AARS1: variants seen among roughly 807,000 people sequenced by gnomAD.
AARS1 encodes alanyl-tRNA synthetase 1, also known as alanine--tRNA ligase, cytoplasmic.
A neutral mutation model predicts 108.9 loss-of-function variants in AARS1; 72 were observed. That is an observed-to-expected ratio of 0.66 (90% CI 0.55 to 0.80). The LOEUF (loss-of-function observed/expected upper bound fraction) is 0.80, where lower values mean the gene tolerates loss of function less well. Among genes scored for constraint, AARS1 ranks in the 30% least tolerant of loss-of-function variants. The pLI is 0.00. For synonymous variants in AARS1, 489 were observed against 465.7 expected (o/e 1.05, Z -0.64); for missense variants, 1,193 against 1,233.2 (o/e 0.97, Z 0.49).
At chr16:70,272,921 C>CACACACACACACACAT (rs1200665887) in intron 4 of AARS1, among the ~76,000 whole-genome samples, 2 of 150,770 alleles carry the variant, frequency 1.3e-5, no homozygotes, top group African/African-American at 4.9e-5. Context: ...CACACACACA[C>CACACACACACACACAT]ACAAAAGATT....
At position 70,269,669 on chromosome 16, in the gene AARS1, G is replaced by A. The variant is rs2152161709; in HGVS notation, c.911C>T (p.Thr304Ile). ...ACCATCAGCCAGTGCCACAGTGATG[G>A]TCCGAGCGTGGTCAGCCAGCACCCG... ...AYRVLADHAR[T>I]ITVALADGGR... is the part of the protein sequence containing the mutation. The change falls in exon 7 of 21, where the codon ACC becomes ATC. Residue 304 changes from threonine (T) to isoleucine (I), a missense_variant. Physicochemically the swap from Thr to Ile is moderately conservative, Grantham distance 89 (BLOSUM62 -1). Transcript: ENST00000261772. 6.2e-7 allele frequency: 1 copy of A among 1,614,136 alleles called. No homozygotes were observed. The highest frequency in any genetic ancestry group is 1.1e-5 in the South Asian group (1 of 91,080).
intron 16 of AARS1, 42 bp from the exon 17 acceptor site, chr16:70,254,776 G>T: frequency 7.4e-7 from 1 of 1,351,080 alleles, no homozygotes; most frequent in Non-Finnish European, 1.1e-6. Flanking sequence ...GGAGGTCTGA[G>T]TCAGACTCAC....
At chr16:70,269,425 T>C (rs1336216953) in intron 7 of AARS1, among the ~76,000 whole-genome samples, 193 bp downstream of exon 7, 1 of 144,704 alleles carries the variant, frequency 6.9e-6, no homozygotes, top group Non-Finnish European at 1.5e-5. Flanking sequence ...TAATCCCAGC[T>C]ACGTGGGAGG....
chr16:70,283,524 G>A (rs1461574739), intron 1 of AARS1, among the ~76,000 whole-genome samples: 1 of 152,086 alleles, frequency 6.6e-6, no homozygotes, highest in Non-Finnish European at 1.5e-5. Context: ...CAAGTCCTGA[G>A]GGAGTCACTT....
At position 70,260,820 on chromosome 16, in the gene AARS1, G is replaced by A. The variant is rs911845421; in HGVS notation, c.1785+224C>T. Among the ~76,000 whole-genome samples, 128 of 151,912 alleles carry A rather than the reference G, an allele frequency of 8.4e-4. 1 individual carries two copies. Among genetic ancestry groups the A allele is most frequent in the African/African-American group, 3.0e-3 (122 of 41,334 alleles). ...TGGGACTATAGGCGCCTGCCACCAC[G>A]CCCAGCTCATTTTTTATATTTTTAG... On this transcript the variant is annotated intron_variant, in intron 13 of 20. Transcript: ENST00000261772.
rs561561763 is a variant in AARS1 at position 70,286,654 on chromosome 16, G to A, written c.-22+2767C>T. On this transcript the variant is annotated intron_variant, in intron 1 of 20. Coordinates refer to ENST00000261772, the MANE Select transcript of AARS1 (RefSeq NM_001605.3). Reference sequence around the variant, plus strand: ...AGATCAAGACCATCCTGGCTAACACGGTGAAACCCTGTCTCTACTAAAAAT... The same window carrying A: ...AGATCAAGACCATCCTGGCTAACACAGTGAAACCCTGTCTCTACTAAAAAT... Among the ~76,000 whole-genome samples, 19 of 150,288 alleles carry A rather than the reference G, an allele frequency of 1.3e-4. 1 individual carries two copies. The Middle Eastern group carries it at 0.014, about 111-fold the overall frequency.
At position 70,269,739 on chromosome 16, in the gene AARS1, C is replaced by T. The variant is rs750278639; in HGVS notation, c.841G>A (p.Gly281Arg). 3 of 1,614,108 alleles carry T rather than the reference C, an allele frequency of 1.9e-6. 1 individual carries two copies. In the South Asian group the frequency reaches 3.3e-5, roughly 18 times the overall value. The change falls in exon 7 of 21, where the codon GGG (glycine) becomes AGG (arginine). Residue 281 changes from glycine (G) to arginine (R), a missense_variant. Coordinates refer to ENST00000261772, the MANE Select transcript of AARS1 (RefSeq NM_001605.3). ...TCGGCATCCTCAGCACCAACTTTCCCAGTGTATGGTCGGGCACCTGTGCCC... is the reference window on the plus strand; with the variant it reads ...TCGGCATCCTCAGCACCAACTTTCCTAGTGTATGGTCGGGCACCTGTGCCC... ...QKGTGARPYT[G>R]KVGAEDADGI...
chr16:70,279,348 C>A (rs1261177939), intron 2 of AARS1, among the ~76,000 whole-genome samples: 1 of 62,426 alleles, frequency 1.6e-5, no homozygotes, highest in African/African-American at 7.0e-5. Context: ...AAAACTTCAT[C>A]TCAAAAAAAA....
intron 7 of AARS1, among the ~76,000 whole-genome samples, chr16:70,268,816 G>T (rs1960325588): frequency 6.6e-6 from 1 of 152,212 alleles, no homozygotes; most frequent in African/African-American, 2.4e-5. Context: ...TGGCAACTCT[G>T]TGACACTAGC....
intron 2 of AARS1, among the ~76,000 whole-genome samples, chr16:70,281,810 C>T (rs1960702855): frequency 6.6e-6 from 1 of 152,108 alleles, no homozygotes; most frequent in Admixed American, 6.6e-5. Flanking sequence ...TAGGATCATG[C>T]CACTGCACTC....
At position 70,259,166 on chromosome 16, in the gene AARS1, C is replaced by T. The variant is rs1202056726; in HGVS notation, c.1806G>A (p.Met602Ile). Residue 602 changes from methionine (M) to isoleucine (I), a missense_variant, in exon 14 of 21, where the codon ATG (methionine) becomes ATA (isoleucine). Transcript: ENST00000261772. ...FIDEPRRRPI[M>I]SNHTATHILN... ...GAATGTGCGTAGCTGTGTGGTTGCT[C>T]ATGATGGGTCTTCGTCGGGGCTGGA... is the stretch of plus-strand genomic sequence containing the variant. 1 of 1,613,958 alleles carries T rather than the reference C, an allele frequency of 6.2e-7. No homozygotes were observed. The highest frequency in any genetic ancestry group is 8.5e-7 in the Non-Finnish European group (1 of 1,180,028).
intron 10 of AARS1, 195 bp downstream of exon 10, chr16:70,265,343 G>A: frequency 1.9e-6 from 2 of 1,039,708 alleles, no homozygotes; most frequent in Non-Finnish European, 2.9e-6. Flanking sequence ...CCCTAGTTGT[G>A]AAAATCAAAA....
intron 16 of AARS1, among the ~76,000 whole-genome samples, chr16:70,255,275 C>A (rs920687125): frequency 6.7e-6 from 1 of 148,414 alleles, no homozygotes; most frequent in African/African-American, 2.5e-5. Context: ...TCTCGGCTCA[C>A]TGCAACCTCT....
chr16:70,265,521 C>T lies in AARS1; in HGVS notation c.1347+17G>A, dbSNP rs746776597. On this transcript the variant is annotated intron_variant, in intron 10 of 20. Coordinates refer to ENST00000261772, the MANE Select transcript of AARS1 (RefSeq NM_001605.3). The stretch of plus-strand genomic sequence containing the variant: ...TGGAAGGTGTTGGGTTTCCTGTTCA[C>T]TCTCCAAGTTCTTTACCTGGGCCAG... 14 of 1,613,744 alleles carry T rather than the reference C, an allele frequency of 8.7e-6. No homozygotes were observed. Among genetic ancestry groups the T allele is most frequent in the Non-Finnish European group, 1.2e-5 (14 of 1,179,824 alleles).
chr16:70,264,944 G>GCA lies in AARS1; in HGVS notation c.1492+12_1492+13dup, dbSNP rs758577376. ...GGCAGAATGCTCAGATGTGGAAGGA[G>GCA]CACAGCAACATACCATAGCTACCAC... is the stretch of plus-strand genomic sequence containing the variant. On this transcript the variant is annotated intron_variant, in intron 11 of 20. Coordinates refer to ENST00000261772, the MANE Select transcript of AARS1 (RefSeq NM_001605.3). 5.0e-5 allele frequency: 81 copies of GCA among 1,613,934 alleles called. No homozygotes were observed. In the South Asian group the frequency reaches 8.1e-4, roughly 16 times the overall value.
Position 70,271,803 on chromosome 16 carries a change from G to A in AARS1, c.649C>T (p.Leu217Phe), listed in dbSNP as rs1019178938. ...DDPNVLEIWNLVFIQYNREAD... is the reference protein window; with the variant it reads ...DDPNVLEIWNFVFIQYNREAD... ...TACCTGTTATACTGGATGAACACAA[G>A]GTTCCAGATCTCCAGCACATTAGGG... Residue 217 changes from leucine to phenylalanine, a missense_variant, in exon 5 of 21, where the codon CTT becomes TTT. Physicochemically the swap from Leu to Phe is conservative, Grantham distance 22. Transcript: ENST00000261772. 6.2e-7 allele frequency: 1 copy of A among 1,613,756 alleles called. No homozygotes were observed. Among genetic ancestry groups the A allele is most frequent in the Non-Finnish European group, 8.5e-7 (1 of 1,179,814 alleles).
intron 12 of AARS1, among the ~76,000 whole-genome samples, chr16:70,261,701 G>A (rs1228337312): frequency 1.5e-5 from 2 of 132,504 alleles, no homozygotes; most frequent in African/African-American, 3.0e-5. Context: ...ACAGAGTCTC[G>A]CTCAGCCACC....
At chr16:70,267,517 C>G (rs1597440577) in intron 9 of AARS1, 142 bp downstream of exon 9, 1 of 1,016,688 alleles carries the variant, frequency 9.8e-7, no homozygotes, top group South Asian at 1.4e-5. Flanking sequence ...ACTATAAATT[C>G]CAGTTTGCAC....
intron 7 of AARS1, among the ~76,000 whole-genome samples, chr16:70,268,923 G>C (rs1484012588): frequency 4.6e-5 from 7 of 152,322 alleles, no homozygotes; most frequent in Non-Finnish European, 1.0e-4. Flanking sequence ...GTTTCATAAA[G>C]AGGCCGGGCA....
Sources: allele counts gnomAD v4.1 joint callset (sites outside exome capture counted in the v4.1 genomes callset), GRCh38; gene constraint gnomAD v4.1.1; transcripts MANE v1.5; gene names NCBI Gene and HGNC (gene_info 2026-07-23, HGNC 2026-07-21).